Variants in PPP1R12B observed in about 807,000 individuals in gnomAD.
PPP1R12B encodes the protein myosin phosphatase target subunit 2.
A neutral mutation model predicts 126.1 loss-of-function variants in PPP1R12B; 76 were observed. The ratio of observed to expected loss-of-function variants is 0.60; its 90% CI spans 0.50 to 0.73. The LOEUF is 0.73. PPP1R12B is among the 30% of genes least tolerant of loss of function. The pLI is 0.00. For synonymous variants in PPP1R12B, 356 were observed against 434.7 expected (o/e 0.82, Z 2.25); for missense variants, 1,052 against 1,205.1 (o/e 0.87, Z 1.88).
chr1:202,521,931 A>G (rs1162628479), intron 18 of PPP1R12B, among the ~76,000 whole-genome samples: 1 of 152,250 alleles, frequency 6.6e-6, no homozygotes, highest in Non-Finnish European at 1.5e-5. Flanking sequence ...ATTAATGATA[A>G]AGAGAAAATC....
intron 13 of PPP1R12B, among the ~76,000 whole-genome samples, chr1:202,469,687 A>T (rs1424574002): frequency 6.6e-6 from 1 of 152,192 alleles, no homozygotes; most frequent in East Asian, 1.9e-4. Context: ...ACCTGACTCA[A>T]AAAAGAAAAA....
At chr1:202,352,884 T>A (rs938658724) in intron 1 of PPP1R12B, among the ~76,000 whole-genome samples, 2 of 43,996 alleles carry the variant, frequency 4.5e-5, no homozygotes, top group Admixed American at 3.1e-4. Context: ...TGAGACTCCG[T>A]TTCAAAAAAA....
intron 1 of PPP1R12B, among the ~76,000 whole-genome samples, chr1:202,359,106 A>T (rs1317746493): frequency 6.6e-6 from 1 of 152,116 alleles, no homozygotes; most frequent in African/African-American, 2.4e-5. Context: ...CATCTCCAGT[A>T]TACTGGATTA....
chr1:202,540,236 C>G lies in PPP1R12B; in HGVS notation c.2491-18641C>G, dbSNP rs763785165. ...ATCTCCCTCCCCGACTGCCAAGACG[C>G]TCCGAGTAAGCAGCATTTTTTATTT... On this transcript the variant is annotated intron_variant, in intron 18 of 23. Coordinates refer to ENST00000608999, the MANE Select transcript of PPP1R12B (RefSeq NM_002481.4). The G allele has an allele frequency of 1.5e-5, 24 of 1,597,680 alleles. No individual in the cohort carries two copies. In the East Asian group the frequency reaches 5.4e-4, roughly 36 times the overall value.
chr1:202,449,274 A>G, intron 13 of PPP1R12B, 103 bp downstream of exon 13: 1 of 1,455,418 alleles, frequency 6.9e-7, no homozygotes, highest in Non-Finnish European at 9.1e-7. Context: ...GTTTATGAAA[A>G]TATGTCTTTT....
chr1:202,452,992 C>T (rs555471307), intron 13 of PPP1R12B, among the ~76,000 whole-genome samples: 42 of 152,174 alleles, frequency 2.8e-4, no homozygotes, highest in Non-Finnish European at 4.4e-5. Context: ...TCCGATTGCT[C>T]TAGGTAGGAC....
At chr1:202,457,858 G>T (rs1285736475) in intron 13 of PPP1R12B, among the ~76,000 whole-genome samples, 1 of 151,912 alleles carries the variant, frequency 6.6e-6, no homozygotes, top group African/African-American at 2.4e-5. Flanking sequence ...AAACAAACAA[G>T]TTCAGAATGC....
At chr1:202,472,414 A>C (rs1206310548) in intron 13 of PPP1R12B, among the ~76,000 whole-genome samples, 1 of 152,196 alleles carries the variant, frequency 6.6e-6, no homozygotes, top group Non-Finnish European at 1.5e-5. Context: ...TATTTGAGAC[A>C]GTTGGCCAGG....
intron 1 of PPP1R12B, among the ~76,000 whole-genome samples, chr1:202,355,028 G>A (rs1221324087): frequency 6.6e-6 from 1 of 151,576 alleles, no homozygotes; most frequent in African/African-American, 2.4e-5. Context: ...GGGGTTTTGG[G>A]CGGGTGGATC....
At chr1:202,560,019 C>T (rs1051737446) in intron 19 of PPP1R12B, among the ~76,000 whole-genome samples, 3 of 152,076 alleles carry the variant, frequency 2.0e-5, no homozygotes, top group African/African-American at 7.2e-5. Flanking sequence ...CCAAAAATCA[C>T]ATGTATAAGG....
chr1:202,433,103 C>G (rs1670385333), intron 8 of PPP1R12B, among the ~76,000 whole-genome samples: 1 of 152,190 alleles, frequency 6.6e-6, no homozygotes. Context: ...ACTTGAACTT[C>G]TATTATTAAT....
intron 8 of PPP1R12B, among the ~76,000 whole-genome samples, chr1:202,432,881 C>T (rs1670356182): frequency 1.3e-5 from 2 of 152,208 alleles, no homozygotes; most frequent in South Asian, 4.1e-4. Context: ...ATTTAACTTA[C>T]TCTGTTGTCT....
intron 9 of PPP1R12B, among the ~76,000 whole-genome samples, chr1:202,437,259 A>G (rs990880161): frequency 2.0e-5 from 3 of 152,020 alleles, no homozygotes; most frequent in Non-Finnish European, 4.4e-5. Context: ...TGGGCGCAGG[A>G]GGTCAAGGAT....
chr1:202,560,329 T>C (rs1241565954), intron 19 of PPP1R12B, among the ~76,000 whole-genome samples: 1 of 152,128 alleles, frequency 6.6e-6, no homozygotes. Context: ...GGAGAGTCCA[T>C]TAAGTGAAAG....
intron 13 of PPP1R12B, among the ~76,000 whole-genome samples, chr1:202,472,591 C>T (rs1676074795): frequency 6.6e-6 from 1 of 152,168 alleles, no homozygotes; most frequent in African/African-American, 2.4e-5. Context: ...GGCTTTGGCA[C>T]TTGAGGCTGG....
At chr1:202,526,178 A>G (rs1001141402) in intron 18 of PPP1R12B, among the ~76,000 whole-genome samples, 11 of 152,344 alleles carry the variant, frequency 7.2e-5, no homozygotes, top group South Asian at 2.1e-4. Flanking sequence ...AGATTCATCA[A>G]TGGTAACAAG....
At chr1:202,552,717 TGTAAATAGAA>T (rs989903757) in intron 18 of PPP1R12B, among the ~76,000 whole-genome samples, 186 of 152,222 alleles carry the variant, frequency 1.2e-3, no homozygotes, top group African/African-American at 4.4e-3. Context: ...CAGGAGAAAA[TGTAAATAGAA>T]GTTTTTTCCC....
intron 21 of PPP1R12B, among the ~76,000 whole-genome samples, chr1:202,566,060 A>T (rs1476598613): frequency 6.6e-6 from 1 of 152,230 alleles, no homozygotes; most frequent in African/African-American, 2.4e-5. Context: ...ATTAAAGAGC[A>T]GTCATGTGAG....
chr1:202,494,441 A>G (rs1679267231), intron 15 of PPP1R12B, among the ~76,000 whole-genome samples: 1 of 152,172 alleles, frequency 6.6e-6, no homozygotes, highest in African/African-American at 2.4e-5. Context: ...ATTTTATTGT[A>G]TATGTCTTTA....
Sources: gnomAD v4.1 joint callset for allele counts (sites outside exome capture counted in the v4.1 genomes callset) on GRCh38, gnomAD v4.1.1 for gene constraint, MANE v1.5 for transcripts, NCBI Gene and HGNC (gene_info 2026-07-23, HGNC 2026-07-21) for gene names.